MCC: variants seen among roughly 807,000 people sequenced by gnomAD.
The protein encoded by MCC is colorectal mutant cancer protein.
In MCC, 90 loss-of-function variants were observed where a neutral mutation model predicts 116.2. The ratio of observed to expected loss-of-function variants is 0.77; its 90% CI spans 0.65 to 0.92. MCC has a LOEUF of 0.92. Among genes scored for constraint, MCC ranks in the 40% least tolerant of loss-of-function variants. The pLI, the probability that MCC is intolerant of heterozygous loss-of-function variation, is 0.00. For missense variants in MCC, 1,516 were observed against 1,312.2 expected, an observed-to-expected ratio of 1.16 and a Z score of -2.40; for synonymous variants, 578 against 510.5, an observed-to-expected ratio of 1.13 and a Z score of -1.78.
At chr5:113,074,340 A>G (rs1232574956) in intron 11 of MCC, among the ~76,000 whole-genome samples, 2 of 152,226 alleles carry the variant, frequency 1.3e-5, no homozygotes, top group Non-Finnish European at 2.9e-5. Context: ...AAGGAAAACT[A>G]ACAAACAGAA....
At chr5:113,391,774 C>T (rs762300485) in intron 1 of MCC, among the ~76,000 whole-genome samples, 5 of 151,444 alleles carry the variant, frequency 3.3e-5, no homozygotes, top group East Asian at 1.9e-4. Context: ...CATATTTTTC[C>T]GTGTTACGGA....
At chr5:113,080,595 T>G (rs188291216) in intron 11 of MCC, among the ~76,000 whole-genome samples, 2 of 151,966 alleles carry the variant, frequency 1.3e-5, no homozygotes, top group South Asian at 2.1e-4. Flanking sequence ...TAGGTGGGAA[T>G]TGAACAATGA....
chr5:113,059,145 T>G (rs373814414), intron 14 of MCC, among the ~76,000 whole-genome samples: 3 of 149,654 alleles, frequency 2.0e-5, no homozygotes, highest in African/African-American at 4.9e-5. Context: ...AGGAAGGAAA[T>G]AAAAAAAAAA....
chr5:113,082,712 A>G (rs1754941592), intron 11 of MCC, 148 bp downstream of exon 11: 6 of 904,954 alleles, frequency 6.6e-6, no homozygotes, highest in South Asian at 1.8e-5. Flanking sequence ...CTGATGACCA[A>G]GGTGGTAGGA....
chr5:113,331,926 T>C (rs1417066422), intron 3 of MCC, among the ~76,000 whole-genome samples: 3 of 151,630 alleles, frequency 2.0e-5, no homozygotes, highest in African/African-American at 4.9e-5. Flanking sequence ...TGTGAGCCAC[T>C]GCCTCTGACT....
In MCC at chr5:113,151,292, C is replaced by G. The variant is rs1399224615; in HGVS notation, c.741+17G>C. Reference sequence around the variant, plus strand: ...CAAAAAACAAAAGCAAACTAAAAACCTTTCCAGATCCCTTACCTGTGCCTT... The same window carrying G: ...CAAAAAACAAAAGCAAACTAAAAACGTTTCCAGATCCCTTACCTGTGCCTT... On this transcript the variant is annotated intron_variant, in intron 4 of 18. Coordinates refer to ENST00000408903, the MANE Select transcript of MCC (RefSeq NM_001085377.2). The G allele has an allele frequency of 1.3e-6, 2 of 1,509,990 alleles. No individual in the cohort carries two copies. The highest frequency in any genetic ancestry group is 1.8e-6 in the Non-Finnish European group (2 of 1,100,374). 93.5% of individuals were successfully genotyped at this position (1,509,990 alleles called of 1,614,324 possible). A position where few individuals can be genotyped will look rare whatever the true frequency, so the allele number is the denominator to read the frequency against.
intron 3 of MCC, among the ~76,000 whole-genome samples, chr5:113,181,204 C>T (rs1192517614): frequency 6.6e-6 from 1 of 152,176 alleles, no homozygotes; most frequent in East Asian, 1.9e-4. Context: ...GAGTTTTCCT[C>T]ATTCTGCTGC....
intron 3 of MCC, among the ~76,000 whole-genome samples, chr5:113,227,292 C>T (rs1001902388): frequency 6.6e-6 from 1 of 151,946 alleles, no homozygotes; most frequent in East Asian, 1.9e-4. Context: ...TCAAAGAATA[C>T]GTTTCACAGT....
intron 6 of MCC, among the ~76,000 whole-genome samples, chr5:113,106,434 CCTT>C (rs1487771365): frequency 1.3e-5 from 2 of 152,178 alleles, no homozygotes; most frequent in Non-Finnish European, 2.9e-5. Context: ...ACACTCCTGG[CCTT>C]CTTTTTTCCC....
At chr5:113,046,710 A>G (rs4235777) in intron 16 of MCC, among the ~76,000 whole-genome samples, 74,356 of 102,330 alleles carry the variant, frequency 0.73, 28,571 homozygotes, top group South Asian at 0.82. Context: ...AAAAAAAAAA[A>G]AGAGAGAGAT....
intron 8 of MCC, among the ~76,000 whole-genome samples, chr5:113,094,980 C>T (rs188253229): frequency 2.4e-4 from 37 of 152,236 alleles, no homozygotes; most frequent in African/African-American, 8.4e-4. Flanking sequence ...GCCTTGGATT[C>T]CCCCTAAAAC....
intron 3 of MCC, among the ~76,000 whole-genome samples, chr5:113,336,677 C>A (rs1382398262): frequency 6.6e-6 from 1 of 152,224 alleles, no homozygotes; most frequent in African/African-American, 2.4e-5. Context: ...CCAGCTCTCA[C>A]ATTTGTGTAA....
intron 1 of MCC, among the ~76,000 whole-genome samples, chr5:113,391,102 T>C (rs1396309798): frequency 1.3e-5 from 2 of 152,048 alleles, no homozygotes; most frequent in Non-Finnish European, 2.9e-5. Context: ...ACGAAATAAG[T>C]AGAGTGAAGT....
chr5:113,408,136 A>T (rs1319825626), intron 1 of MCC, among the ~76,000 whole-genome samples: 1 of 152,212 alleles, frequency 6.6e-6, no homozygotes, highest in African/African-American at 2.4e-5. Flanking sequence ...CAACCTGGAC[A>T]GATAAGGTTC....
intron 3 of MCC, among the ~76,000 whole-genome samples, chr5:113,162,881 A>G (rs2150298460): frequency 6.6e-6 from 1 of 152,262 alleles, no homozygotes; most frequent in African/African-American, 2.4e-5. Flanking sequence ...CAGGCTTTGA[A>G]AACAGTGGTA....
intron 3 of MCC, among the ~76,000 whole-genome samples, chr5:113,160,071 A>T (rs962355899): frequency 5.9e-5 from 9 of 152,170 alleles, no homozygotes; most frequent in Non-Finnish European, 2.9e-5. Context: ...AGGCTCCTTC[A>T]ACACCGCAGC....
chr5:113,333,602 T>G (rs1478357164), intron 3 of MCC, among the ~76,000 whole-genome samples: 1 of 150,790 alleles, frequency 6.6e-6, no homozygotes, highest in African/African-American at 2.5e-5. Flanking sequence ...AAGACAGCCT[T>G]GAGCAGCAGG....
intron 1 of MCC, among the ~76,000 whole-genome samples, chr5:113,482,131 A>T (rs1428383089): frequency 6.6e-6 from 1 of 152,210 alleles, no homozygotes; most frequent in Non-Finnish European, 1.5e-5. Context: ...ATTCCACTAC[A>T]TGGATACATC....
chr5:113,148,018 A>G (rs893555057), intron 4 of MCC, among the ~76,000 whole-genome samples: 1 of 152,228 alleles, frequency 6.6e-6, no homozygotes, highest in Non-Finnish European at 1.5e-5. Flanking sequence ...CACCTATTTT[A>G]AAGGGGTTCA....
Sources: allele counts gnomAD v4.1 joint callset (sites outside exome capture counted in the v4.1 genomes callset), GRCh38; gene constraint gnomAD v4.1.1; transcripts MANE v1.5; gene names NCBI Gene and HGNC (gene_info 2026-07-23, HGNC 2026-07-21).